Variants in SLC5A4 observed in about 807,000 individuals in gnomAD.
SLC5A4 encodes the protein probable glucose sensor protein SLC5A4.
A neutral mutation model predicts 70.3 loss-of-function variants in SLC5A4; 55 were observed. The observed-to-expected ratio is 0.78, with a 90% confidence interval of 0.63 to 0.98. SLC5A4 has a LOEUF of 0.98. Among genes scored for constraint, SLC5A4 ranks in the 50% least tolerant of loss-of-function variants. SLC5A4 has a pLI of 0.00. For missense variants in SLC5A4, 735 were observed against 839.2 expected (o/e 0.88, Z 1.53); for synonymous variants, 268 against 305.7 (o/e 0.88, Z 1.29).
rs544075811 is a variant in SLC5A4, at chr22:32,218,588, A to C, written c.1906T>G (p.Trp636Gly). 1.2e-6 allele frequency: 2 copies of C among 1,614,022 alleles called. No homozygotes were observed. Among genetic ancestry groups the C allele is most frequent in the Admixed American group, 3.3e-5 (2 of 60,000 alleles). The change falls in exon 15 of 15, where the codon TGG (tryptophan) becomes GGG (glycine). Residue 636 changes from tryptophan to glycine, a missense_variant. Coordinates refer to ENST00000266086, the MANE Select transcript of SLC5A4 (RefSeq NM_014227.3). ...GCGTTGATGTTCACTATTGTCCTCC[A>C]CGAGGGCCTCTCAGACGTGTCTGTG... ...KLTDTSERPS[W>G]RTIVNINAIL...
At chr22:32,317,231 A>G in the SLC5A4 span, among the ~76,000 whole-genome samples, 2 of 152,154 alleles carry the variant, frequency 1.3e-5, no homozygotes, top group African/African-American at 2.4e-5. Flanking sequence ...AACAAAATAT[A>G]TATTTAAGGA....
At chr22:32,313,526 T>G in the SLC5A4 span, among the ~76,000 whole-genome samples, 1 of 152,120 alleles carries the variant, frequency 6.6e-6, no homozygotes, top group African/African-American at 2.4e-5. Flanking sequence ...GCTCCTGGAA[T>G]AGGGAAGAGC....
chr22:32,335,286 G>T, the SLC5A4 span, among the ~76,000 whole-genome samples: 1 of 152,084 alleles, frequency 6.6e-6, no homozygotes, highest in Non-Finnish European at 1.5e-5. Context: ...CAGATCCTGG[G>T]ATACAACGAG....
At chr22:32,330,740 CGTG>C in the SLC5A4 span, among the ~76,000 whole-genome samples, 2 of 23,846 alleles carry the variant, frequency 8.4e-5, no homozygotes, top group African/African-American at 3.9e-4. Context: ...GTTGGGGGCT[CGTG>C]TGTGTGTTGG....
intron 13 of SLC5A4, 70 bp downstream of exon 13, chr22:32,224,197 G>T: frequency 8.3e-7 from 1 of 1,208,820 alleles, no homozygotes; most frequent in South Asian, 1.3e-5. Context: ...TGGGATTACA[G>T]GCGTGAGCCA....
upstream of SLC5A4, among the ~76,000 whole-genome samples, chr22:32,257,675 T>TTTTTTTA: frequency 6.6e-6 from 1 of 151,570 alleles, no homozygotes; most frequent in Non-Finnish European, 1.5e-5. Flanking sequence ...TTTTTAATTT[T>TTTTTTTA]TTTTTTTGAG....
the SLC5A4 span, chr22:32,271,903 T>G: frequency 6.9e-6 from 4 of 580,832 alleles, no homozygotes; most frequent in Admixed American, 8.7e-5. Context: ...AGATGTACGC[T>G]GTGGCCACCA....
chr22:32,335,430 C>A, the SLC5A4 span, among the ~76,000 whole-genome samples: 83 of 152,274 alleles, frequency 5.5e-4, no homozygotes, highest in Non-Finnish European at 9.7e-4. Flanking sequence ...TTGGCAGGGA[C>A]CTCTTTCCAC....
chr22:32,309,184 A>C, the SLC5A4 span, among the ~76,000 whole-genome samples: 2 of 152,186 alleles, frequency 1.3e-5, no homozygotes, highest in African/African-American at 2.4e-5. Flanking sequence ...AGGCACTACC[A>C]GCTATTGGTT....
the SLC5A4 span, among the ~76,000 whole-genome samples, chr22:32,341,695 T>A: frequency 2.0e-5 from 3 of 152,194 alleles, no homozygotes; most frequent in Non-Finnish European, 4.4e-5. Flanking sequence ...ATCCGTGGCC[T>A]AAATGGCCCC....
At chr22:32,304,151 G>A in the SLC5A4 span, among the ~76,000 whole-genome samples, 1 of 151,788 alleles carries the variant, frequency 6.6e-6, no homozygotes, top group East Asian at 1.9e-4. Flanking sequence ...TTTTTTTTGA[G>A]AGTCTTGCTC....
At chr22:32,271,560 A>G in the SLC5A4 span, 49 of 705,882 alleles carry the variant, frequency 6.9e-5, no homozygotes, top group South Asian at 7.0e-4. Context: ...CACAGAGGAG[A>G]GGGTCGGGCC....
chr22:32,278,652 A>T, the SLC5A4 span, among the ~76,000 whole-genome samples: 2 of 152,240 alleles, frequency 1.3e-5, no homozygotes, highest in Admixed American at 6.5e-5. Context: ...AAAATACTAT[A>T]TTCAAAGAAG....
intron 7 of SLC5A4, 42 bp downstream of exon 7, chr22:32,237,202 G>A (rs760657991): frequency 7.1e-7 from 1 of 1,415,936 alleles, no homozygotes; most frequent in South Asian, 1.2e-5. Context: ...CAAGTCCCGT[G>A]ATTTCCAGGC....
the SLC5A4 span, chr22:32,271,973 C>T: frequency 1.7e-5 from 10 of 604,908 alleles, no homozygotes; most frequent in Non-Finnish European, 3.1e-5. Flanking sequence ...CATTTGAGAC[C>T]ATTGAGAGAG....
chr22:32,339,588 G>C, the SLC5A4 span, among the ~76,000 whole-genome samples: 1 of 152,222 alleles, frequency 6.6e-6, no homozygotes, highest in Non-Finnish European at 1.5e-5. Context: ...CCCTCCTCTT[G>C]TGGGGAGTGG....
At chr22:32,240,326 T>C (rs2145681273) in intron 5 of SLC5A4, among the ~76,000 whole-genome samples, 1 of 152,042 alleles carries the variant, frequency 6.6e-6, no homozygotes, top group Admixed American at 6.5e-5. Context: ...AAAATCTCTC[T>C]AAGGCAAACA....
the SLC5A4 span, among the ~76,000 whole-genome samples, chr22:32,292,386 T>C: frequency 1.1e-3 from 159 of 147,522 alleles, 2 homozygotes; most frequent in South Asian, 0.011. Context: ...AATATGTACA[T>C]ACTAGATATA....
At chr22:32,293,348 T>C in the SLC5A4 span, among the ~76,000 whole-genome samples, 9 of 152,242 alleles carry the variant, frequency 5.9e-5, no homozygotes, top group Non-Finnish European at 1.2e-4. Context: ...CCACCTGTTT[T>C]ATATTCTTCT....
Sources: allele counts gnomAD v4.1 joint callset (sites outside exome capture counted in the v4.1 genomes callset), GRCh38; gene constraint gnomAD v4.1.1; transcripts MANE v1.5; gene names NCBI Gene and HGNC (gene_info 2026-07-23, HGNC 2026-07-21).